Variants in NBDY observed in about 807,000 individuals in gnomAD.
NBDY encodes the protein P-body dissociating protein.
intron 2 of NBDY, among the ~76,000 whole-genome samples, chrX:56,732,636 G>A (rs2069465353): frequency 9.0e-6 from 1 of 111,342 alleles, no homozygotes; most frequent in Admixed American, 9.5e-5. Context: ...GTGCTAGCTA[G>A]GATCTTCAGT....
intron 2 of NBDY, among the ~76,000 whole-genome samples, chrX:56,753,523 T>A (rs1229320565): frequency 9.0e-6 from 1 of 111,410 alleles, no homozygotes; most frequent in Non-Finnish European, 1.9e-5. Flanking sequence ...AGATGAGAGT[T>A]GAAGCCATGG....
chrX:56,789,034 G>A (rs5960804), intron 2 of NBDY, among the ~76,000 whole-genome samples: 59 of 112,028 alleles, frequency 5.3e-4, no homozygotes, highest in Admixed American at 5.0e-3. Context: ...TCTTCCTCTG[G>A]GTGGCACTGT....
chrX:56,786,648 C>T (rs915152233), intron 2 of NBDY, among the ~76,000 whole-genome samples: 2 of 108,182 alleles, frequency 1.8e-5, no homozygotes, highest in African/African-American at 6.7e-5. Flanking sequence ...TCTTCTTTTT[C>T]TTCTTCTTCT....
intron 2 of NBDY, among the ~76,000 whole-genome samples, chrX:56,733,603 A>T (rs1402101043): frequency 8.9e-6 from 1 of 111,824 alleles, no homozygotes; most frequent in Non-Finnish European, 1.9e-5. Context: ...AACCTTCCAT[A>T]GTGCTGGTGT....
At chrX:56,783,058 C>G in intron 2 of NBDY, among the ~76,000 whole-genome samples, 1 of 112,918 alleles carries the variant, frequency 8.9e-6, no homozygotes, top group Non-Finnish European at 1.9e-5. Flanking sequence ...CACAGACACA[C>G]ACAACACCTC....
At chrX:56,790,255 C>T (rs1038773780) in intron 2 of NBDY, among the ~76,000 whole-genome samples, 18 of 112,595 alleles carry the variant, frequency 1.6e-4, no homozygotes, top group Admixed American at 5.6e-4. Context: ...TCGAATATTG[C>T]AAATGTTTTC....
At chrX:56,752,125 T>A (rs2069588753) in intron 2 of NBDY, among the ~76,000 whole-genome samples, 3 of 112,422 alleles carry the variant, frequency 2.7e-5, no homozygotes, top group Non-Finnish European at 3.8e-5. Flanking sequence ...CTAGGTTGAT[T>A]TAATGTCTTT....
At chrX:56,746,720 T>C (rs1366529553) in intron 2 of NBDY, among the ~76,000 whole-genome samples, 1 of 110,862 alleles carries the variant, frequency 9.0e-6, no homozygotes, top group African/African-American at 3.3e-5. Context: ...ATCCCTTTCT[T>C]GCTGGCTATG....
At chrX:56,810,018 G>A (rs2069877323) in intron 2 of NBDY, among the ~76,000 whole-genome samples, 1 of 111,227 alleles carries the variant, frequency 9.0e-6, no homozygotes, top group African/African-American at 3.3e-5. Flanking sequence ...ATGAAACTTA[G>A]TTTGGCTGAA....
chrX:56,756,305 A>T (rs1246506434), intron 2 of NBDY, among the ~76,000 whole-genome samples: 6 of 109,879 alleles, frequency 5.5e-5, no homozygotes, highest in Non-Finnish European at 1.1e-4. Context: ...AATAAAATAA[A>T]TAAATAAATA....
chrX:56,787,889 C>G (rs1254808444), intron 2 of NBDY, among the ~76,000 whole-genome samples: 1 of 112,731 alleles, frequency 8.9e-6, no homozygotes, highest in African/African-American at 3.2e-5. Context: ...AGTTGGCAAA[C>G]TCTACCTGCA....
chrX:56,796,620 T>C (rs2069793094), intron 2 of NBDY, among the ~76,000 whole-genome samples: 1 of 111,533 alleles, frequency 9.0e-6, no homozygotes, highest in African/African-American at 3.3e-5. Context: ...TTGTGGCTGA[T>C]TATCTCTTTT....
chrX:56,780,882 C>T (rs1452488418), intron 2 of NBDY, among the ~76,000 whole-genome samples: 2 of 94,220 alleles, frequency 2.1e-5, no homozygotes, highest in African/African-American at 8.1e-5. Flanking sequence ...GAAAAGAATG[C>T]AGGAAGATCT....
chrX:56,794,693 G>A (rs760824005), intron 2 of NBDY, among the ~76,000 whole-genome samples: 36 of 111,793 alleles, frequency 3.2e-4, no homozygotes, highest in African/African-American at 2.0e-4. Context: ...GTGGGCCTGC[G>A]TGTGGGCCCC....
In NBDY at chrX:56,788,818, C is replaced by A. The variant is rs1169123361; in HGVS notation, c.*167-28502C>A. 2.7e-5 allele frequency among the ~76,000 whole-genome samples: 3 copies of A among 112,352 alleles called. No homozygotes were observed. The Admixed American group carries it at 2.8e-4, about 10-fold the overall frequency. On this transcript the variant is annotated intron_variant, in intron 2 of 2. Coordinates refer to ENST00000374922, the MANE Select transcript of NBDY (RefSeq NM_001348129.2). ...CTGTGTGGACTGACTCGTCTTGGGG[C>A]TGCCTGGCTGCCCTGTGTCAGGGCC...
At chrX:56,764,702 CAAAAA>C (rs10623590) in intron 2 of NBDY, among the ~76,000 whole-genome samples, 3 of 60,802 alleles carry the variant, frequency 4.9e-5, no homozygotes, top group East Asian at 5.8e-4. Context: ...AAACAAACAC[CAAAAA>C]AAAAAAAAAA....
chrX:56,766,031 T>C (rs1022468173), intron 2 of NBDY, among the ~76,000 whole-genome samples: 4 of 111,831 alleles, frequency 3.6e-5, no homozygotes, highest in African/African-American at 1.3e-4. Context: ...TTAGTCCCTC[T>C]GGTCCACCAA....
rs1290616725 is a variant in NBDY, at chrX:56,739,282, T to TTATATATATATGTATGTATATATATATA, written c.*166+7084_*166+7085insATATATATATGTATGTATATATATATAT. On this transcript the variant is annotated intron_variant, in intron 2 of 2. Transcript: ENST00000374922. ...TATATATGTATGTATATATATATAT[T>TTATATATATATGTATGTATATATATATA]TTTATATATATATATATAGAGAGAG... Among the ~76,000 whole-genome samples the TTATATATATATGTATGTATATATATATA allele has an allele frequency of 2.0e-4, 11 of 56,330 alleles. No homozygotes were observed. In the East Asian group the frequency reaches 5.5e-3, roughly 28 times the overall value. 48.9% of individuals were successfully genotyped at this position (56,330 alleles called of 115,157 possible).
chrX:56,752,007 A>C (rs1260214128), intron 2 of NBDY, among the ~76,000 whole-genome samples: 1 of 112,050 alleles, frequency 8.9e-6, no homozygotes, highest in Non-Finnish European at 1.9e-5. Context: ...CTCCAGCTCC[A>C]TCCATATTGC....
Sources: gnomAD v4.1 joint callset for allele counts (sites outside exome capture counted in the v4.1 genomes callset) on GRCh38, gnomAD v4.1.1 for gene constraint, MANE v1.5 for transcripts, NCBI Gene and HGNC (gene_info 2026-07-23, HGNC 2026-07-21) for gene names.